Variants in SLC35F5 observed in about 807,000 individuals in gnomAD.
SLC35F5 encodes HCV NS5A-transactivated protein 3.
In SLC35F5, 54 loss-of-function variants were observed where a neutral mutation model predicts 68.6. The ratio of observed to expected loss-of-function variants is 0.79; its 90% confidence interval spans 0.63 to 0.99. SLC35F5 has a LOEUF of 0.99. Ranked by LOEUF, SLC35F5 falls within the 50% of genes least tolerant of loss-of-function variation. The pLI is 0.00. For synonymous variants in SLC35F5, 211 were observed against 205.2 expected, an observed-to-expected ratio of 1.03 and a Z score of -0.24; for missense variants, 567 against 626.9, an observed-to-expected ratio of 0.90 and a Z score of 1.02.
rs900346615 is a variant in SLC35F5 at position 113,711,460 on chromosome 2, C to T, written c.*3758G>A. ...AAATTTCCTGTGCACATACAATGTA[C>T]CTATGAAATACTGTATTATTAGTTA... is the stretch of plus-strand genomic sequence containing the variant. On this transcript the variant is annotated 3_prime_UTR_variant, in exon 16 of 16. Coordinates refer to ENST00000245680, the MANE Select transcript of SLC35F5 (RefSeq NM_025181.5). Among the ~76,000 whole-genome samples the T allele has an allele frequency of 1.3e-5, 2 of 152,072 alleles. No individual in the cohort carries two copies. Among genetic ancestry groups the T allele is most frequent in the African/African-American group, 4.8e-5 (2 of 41,404 alleles).
intron 1 of SLC35F5, chr2:113,756,147 C>G: frequency 2.1e-6 from 3 of 1,447,184 alleles, no homozygotes; most frequent in Non-Finnish European, 2.7e-6. Flanking sequence ...GACGCCTCCC[C>G]GGGGAGCCGA....
intron 3 of SLC35F5, among the ~76,000 whole-genome samples, chr2:113,752,667 TA>T (rs1346827176): frequency 6.6e-6 from 1 of 151,478 alleles, no homozygotes; most frequent in Non-Finnish European, 1.5e-5. Flanking sequence ...TTTATGGTAT[TA>T]AAAAAAAGGA....
At chr2:113,737,092 GTC>G (rs139093083) in intron 7 of SLC35F5, among the ~76,000 whole-genome samples, 2,393 of 152,300 alleles carry the variant, frequency 0.016, 42 homozygotes, top group Non-Finnish European at 0.025. Flanking sequence ...AGTTTTTGGT[GTC>G]TCTGTTACTT....
chr2:113,747,102 C>T (rs763084539), intron 4 of SLC35F5, among the ~76,000 whole-genome samples: 4 of 151,906 alleles, frequency 2.6e-5, no homozygotes, highest in Non-Finnish European at 5.9e-5. Flanking sequence ...GCCTGGCCAA[C>T]GTGGTGAAAC....
intron 7 of SLC35F5, among the ~76,000 whole-genome samples, chr2:113,740,769 G>A (rs553723507): frequency 2.6e-5 from 4 of 152,102 alleles, no homozygotes; most frequent in Non-Finnish European, 5.9e-5. Context: ...TGAGACTACA[G>A]GTGCACACCA....
intron 15 of SLC35F5, among the ~76,000 whole-genome samples, chr2:113,716,316 C>T (rs1224470097): frequency 2.0e-5 from 3 of 152,150 alleles, no homozygotes; most frequent in Non-Finnish European, 2.9e-5. Context: ...CTTTTCTCTA[C>T]CCCAGGAGAA....
At chr2:113,730,475 G>A (rs1429274553) in intron 10 of SLC35F5, among the ~76,000 whole-genome samples, 1 of 152,270 alleles carries the variant, frequency 6.6e-6, no homozygotes, top group East Asian at 1.9e-4. Context: ...AAGCTGCTCT[G>A]GGTGAGAAAG....
intron 11 of SLC35F5, among the ~76,000 whole-genome samples, chr2:113,728,910 G>A (rs1267303865): frequency 6.6e-6 from 1 of 152,220 alleles, no homozygotes; most frequent in East Asian, 1.9e-4. Flanking sequence ...TTATAAAAGT[G>A]TCTGTGTCTT....
At position 113,707,315 on chromosome 2, in the gene SLC35F5, G is replaced by T. The variant is rs1686825764; in HGVS notation, c.*7903C>A. On this transcript the variant is annotated 3_prime_UTR_variant, in exon 16 of 16. Coordinates refer to ENST00000245680, the MANE Select transcript of SLC35F5 (RefSeq NM_025181.5). ...GCCTATCAGATAAAACTAAAATGCT[G>T]CAACTTAATCAGAATGATGCAATCT... Among the ~76,000 whole-genome samples the T allele has an allele frequency of 6.6e-6, 1 of 152,034 alleles. No homozygotes were observed. The highest frequency in any genetic ancestry group is 2.1e-4 in the South Asian group (1 of 4,832).
intron 9 of SLC35F5, chr2:113,733,527 A>T (rs1041991942): frequency 1.5e-5 from 3 of 203,714 alleles, no homozygotes; most frequent in African/African-American, 7.2e-5. Context: ...GCTCGGCTTA[A>T]AACATTAGTA....
Position 113,717,803 on chromosome 2 carries a change from C to A in SLC35F5, c.1544G>T (p.Ser515Ile). Residue 515 changes from serine (S) to isoleucine (I), a missense_variant, in exon 15 of 16, where the codon AGT (serine) becomes ATT (isoleucine). Coordinates refer to ENST00000245680, the MANE Select transcript of SLC35F5 (RefSeq NM_025181.5). ...ACTAGCTCCATCCTCCTGAGAAACACTGTGCATAGAAATGAGACTCTCACA... is the reference window on the plus strand; with the variant it reads ...ACTAGCTCCATCCTCCTGAGAAACAATGTGCATAGAAATGAGACTCTCACA... Reference protein sequence around the residue: ...EQCESLISMHSVSQEDGAS With the variant: ...EQCESLISMHIVSQEDGAS 2 of 1,613,410 alleles carry A rather than the reference C, an allele frequency of 1.2e-6. No individual in the cohort carries two copies. The highest frequency in any genetic ancestry group is 1.7e-6 in the Non-Finnish European group (2 of 1,179,754).
chr2:113,720,184 C>T (rs1484891492), intron 13 of SLC35F5, among the ~76,000 whole-genome samples: 1 of 151,696 alleles, frequency 6.6e-6, no homozygotes. Context: ...AGATCAGAAA[C>T]GATTGTCAAA....
rs13402898 is a variant in SLC35F5, at chr2:113,755,752, C to T, written c.41-208G>A. On this transcript the variant is annotated intron_variant, in intron 1 of 15. Coordinates refer to ENST00000245680, the MANE Select transcript of SLC35F5 (RefSeq NM_025181.5). ...ACTTAGAGAGATACGCGATACGGGG[C>T]GGGCAGGGAGGGGGAGTAATATACA... The T allele has an allele frequency of 5.5e-3, 5,617 of 1,022,510 alleles. 187 individuals carry two copies. In the African/African-American group the frequency reaches 0.077, roughly 14 times the overall value. The allele number at this position is 1,022,510 out of a possible 1,614,324, so 63.3% of individuals were successfully genotyped here.
chr2:113,735,889 A>T (rs1372580120), intron 7 of SLC35F5, 31 bp from the exon 8 acceptor site: 15 of 1,360,332 alleles, frequency 1.1e-5, no homozygotes, highest in Non-Finnish European at 1.6e-5. Context: ...AGTGAACCCT[A>T]ATGAAAGACA....
At chr2:113,720,145 G>A (rs920597339) in intron 13 of SLC35F5, among the ~76,000 whole-genome samples, 8 of 151,652 alleles carry the variant, frequency 5.3e-5, no homozygotes, top group South Asian at 2.1e-4. Context: ...CCTTTCACTA[G>A]TTCACTTTTA....
intron 11 of SLC35F5, among the ~76,000 whole-genome samples, chr2:113,727,203 CT>C (rs1032585578): frequency 1.3e-5 from 2 of 152,156 alleles, no homozygotes; most frequent in African/African-American, 4.8e-5. Context: ...TCCCCTTCAC[CT>C]TACGTCATGA....
chr2:113,755,189 C>T lies in SLC35F5; in HGVS notation c.249G>A (p.Trp83Ter). 6.2e-7 allele frequency: 1 copy of T among 1,613,976 alleles called. No individual in the cohort carries two copies. Among genetic ancestry groups the T allele is most frequent in the Non-Finnish European group, 8.5e-7 (1 of 1,180,014 alleles). The part of the protein sequence containing the change: ...IVILLLVDVI[W>*]VASSELTSYV... ...CCGAAGTAAGTTCAGAGGAAGCAACCCATATCACATCAACAAGCAGAAGAA... is the reference window on the plus strand; with the variant it reads ...CCGAAGTAAGTTCAGAGGAAGCAACTCATATCACATCAACAAGCAGAAGAA... The change falls in exon 3 of 16, where the codon TGG becomes TGA. Residue 83 changes from tryptophan (W) to a stop codon, truncating the protein, a stop_gained. Coordinates refer to ENST00000245680, the MANE Select transcript of SLC35F5 (RefSeq NM_025181.5). LOFTEE classifies it high-confidence loss of function.
At chr2:113,752,023 C>G (rs1001608607) in intron 3 of SLC35F5, among the ~76,000 whole-genome samples, 2 of 152,006 alleles carry the variant, frequency 1.3e-5, no homozygotes, top group Admixed American at 1.3e-4. Flanking sequence ...ACCAGCCTGG[C>G]CAACACAGTG....
Position 113,749,841 on chromosome 2 carries a change from TAAG to T in SLC35F5, c.417+581_417+583del, listed in dbSNP as rs1008987511. Among the ~76,000 whole-genome samples the T allele has an allele frequency of 7.7e-4, 118 of 152,284 alleles. 1 individual carries two copies. The highest frequency in any genetic ancestry group is 2.7e-3 in the African/African-American group (111 of 41,572). On this transcript the variant is annotated intron_variant, in intron 4 of 15. Transcript: ENST00000245680. ...AAAGAATTTTTTAAAAGGATTAACA[TAAG>T]AAAGTTTTATAATTCTTCATTCTCA...
Sources: gnomAD v4.1 joint callset for allele counts (sites outside exome capture counted in the v4.1 genomes callset) on GRCh38, gnomAD v4.1.1 for gene constraint, MANE v1.5 for transcripts, NCBI Gene and HGNC (gene_info 2026-07-23, HGNC 2026-07-21) for gene names.